The following NUP155 variants were observed in gnomAD, a reference collection of about 807,000 sequenced individuals.
NUP155 encodes nucleoporin 155.
A neutral mutation model predicts 180.4 loss-of-function variants in NUP155; 71 were observed. The ratio of observed to expected loss-of-function variants is 0.39; its 90% CI spans 0.33 to 0.48. NUP155 has a LOEUF of 0.48. Among genes scored for constraint, NUP155 ranks in the 20% least tolerant of loss-of-function variants. The pLI is 0.91. For missense variants in NUP155, 1,553 were observed against 1,648.9 expected, an observed-to-expected ratio of 0.94 and a Z score of 1.01; for synonymous variants, 582 against 559.5, an observed-to-expected ratio of 1.04 and a Z score of -0.57.
chr5:37,367,644 T>C (rs1747684822), intron 1 of NUP155, among the ~76,000 whole-genome samples: 2 of 151,540 alleles, frequency 1.3e-5, no homozygotes, highest in African/African-American at 4.9e-5. Context: ...ACCATTCTCC[T>C]GTCTCAGCCT....
chr5:37,363,320 C>T (rs1747341771), intron 3 of NUP155, among the ~76,000 whole-genome samples: 1 of 152,134 alleles, frequency 6.6e-6, no homozygotes, highest in Non-Finnish European at 1.5e-5. Flanking sequence ...TATCCCACAC[C>T]TCATCTAAGG....
At chr5:37,307,058 C>T (rs763238529) in intron 25 of NUP155, among the ~76,000 whole-genome samples, 2 of 151,330 alleles carry the variant, frequency 1.3e-5, no homozygotes. Context: ...ATTAGCCAGG[C>T]GTGGTGGTGT....
intron 3 of NUP155, among the ~76,000 whole-genome samples, chr5:37,361,285 A>AAAAAAAAAG (rs397997410): frequency 4.2e-5 from 6 of 141,464 alleles, no homozygotes; most frequent in African/African-American, 1.5e-4. Context: ...AAAAAAAAAA[A>AAAAAAAAAG]GACAATGGCT....
At chr5:37,331,986 G>A (rs913639102) in intron 13 of NUP155, among the ~76,000 whole-genome samples, 191 bp from the exon 14 acceptor site, 4 of 152,114 alleles carry the variant, frequency 2.6e-5, no homozygotes, top group Non-Finnish European at 4.4e-5. Flanking sequence ...AGGAATGGCT[G>A]AGGTGATATA....
chr5:37,318,849 T>A (rs1161961084), intron 20 of NUP155, among the ~76,000 whole-genome samples: 2 of 152,010 alleles, frequency 1.3e-5, no homozygotes, highest in African/African-American at 4.8e-5. Flanking sequence ...CACAAAAAAA[T>A]TTCAAAGTAA....
intron 5 of NUP155, 95 bp from the exon 6 acceptor site, chr5:37,351,451 T>TC (rs1746450800): frequency 1.1e-6 from 1 of 946,572 alleles, no homozygotes; most frequent in Non-Finnish European, 1.6e-6. Context: ...TTTACTCAAT[T>TC]CTTTTTTTTT....
At chr5:37,347,988 G>A (rs889257028) in intron 9 of NUP155, among the ~76,000 whole-genome samples, 2 of 152,090 alleles carry the variant, frequency 1.3e-5, no homozygotes, top group Non-Finnish European at 2.9e-5. Flanking sequence ...TACAAAATTA[G>A]CTGGGCATGG....
At chr5:37,342,412 C>A in intron 10 of NUP155, 137 bp downstream of exon 10, 1 of 626,658 alleles carries the variant, frequency 1.6e-6, no homozygotes, top group South Asian at 2.0e-5. Context: ...TTTTCAAAAT[C>A]CTTTATTTTA....
Position 37,318,632 on chromosome 5 carries a change from A to G in NUP155, c.2208-547T>C, listed in dbSNP as rs1744055948. Among the ~76,000 whole-genome samples, 3 of 152,340 alleles carry G rather than the reference A, an allele frequency of 2.0e-5. No individual in the cohort carries two copies. The South Asian group carries it at 6.2e-4, about 32-fold the overall frequency. On this transcript the variant is annotated intron_variant, in intron 20 of 34. Coordinates refer to ENST00000231498, the MANE Select transcript of NUP155 (RefSeq NM_153485.3). ...CTAAGTATAATGCAAATATTTAAAA[A>G]TCAAAAAAAACGTGAAAGCCAAAAC...
At chr5:37,354,454 CTTCT>C (rs1746677793) in intron 4 of NUP155, among the ~76,000 whole-genome samples, 1 of 128,570 alleles carries the variant, frequency 7.8e-6, no homozygotes, top group African/African-American at 3.3e-5. Flanking sequence ...GTCTTTATTT[CTTCT>C]TTTTTTTTTT....
intron 23 of NUP155, among the ~76,000 whole-genome samples, chr5:37,309,990 G>A (rs200802641): frequency 6.6e-6 from 1 of 152,052 alleles, no homozygotes; most frequent in East Asian, 1.9e-4. Flanking sequence ...GGAGGTTGCA[G>A]TGAGCTGAGA....
Position 37,328,378 on chromosome 5 carries a change from A to C in NUP155, c.1856T>G (p.Phe619Cys). The C allele has an allele frequency of 1.2e-6, 2 of 1,610,234 alleles. No homozygotes were observed. Among genetic ancestry groups the C allele is most frequent in the East Asian group, 4.5e-5 (2 of 44,856 alleles). ...PSGSPYPNPS[F>C]LGTPSHGIQP... ...GGTACCATGAGACGGTGTTCCCAAA[A>C]AGGATGGATTTGGATAGGGACTACC... The change falls in exon 17 of 35, where the codon TTT becomes TGT. Residue 619 changes from phenylalanine to cysteine, a missense_variant. By Grantham distance (205) the Phe-to-Cys change is radical. Coordinates refer to ENST00000231498, the MANE Select transcript of NUP155 (RefSeq NM_153485.3).
intron 5 of NUP155, among the ~76,000 whole-genome samples, chr5:37,351,871 A>T (rs921818630): frequency 1.7e-4 from 26 of 148,630 alleles, no homozygotes; most frequent in Non-Finnish European, 1.0e-4. Context: ...AGAGTGTGTG[A>T]GTGTGTGTGT....
rs1471420757 is a variant in NUP155 at position 37,294,314 on chromosome 5, T to G, written c.3930+15A>C. ...TTAAAGAAAATAATTTTATGTTATTTAATATTTTCCTTACCCGTGATTTGA... is the reference window on the plus strand; with the variant it reads ...TTAAAGAAAATAATTTTATGTTATTGAATATTTTCCTTACCCGTGATTTGA... On this transcript the variant is annotated intron_variant, in intron 33 of 34. Transcript: ENST00000231498. 1.3e-6 allele frequency: 2 copies of G among 1,486,952 alleles called. No individual in the cohort carries two copies. The highest frequency in any genetic ancestry group is 1.8e-6 in the Non-Finnish European group (2 of 1,083,940). 92.1% of individuals were successfully genotyped at this position (1,486,952 alleles called of 1,614,324 possible). A position where few individuals can be genotyped will look rare whatever the true frequency, so the allele number is the denominator to read the frequency against.
chr5:37,339,091 A>G (rs964215756), intron 11 of NUP155, among the ~76,000 whole-genome samples: 3 of 152,142 alleles, frequency 2.0e-5, no homozygotes, highest in African/African-American at 4.8e-5. Flanking sequence ...TATCTGGGCC[A>G]GGTGCTGTGG....
intron 20 of NUP155, among the ~76,000 whole-genome samples, chr5:37,318,982 T>C (rs2150956221): frequency 6.6e-6 from 1 of 152,290 alleles, no homozygotes; most frequent in South Asian, 2.1e-4. Flanking sequence ...TGGTCTATGA[T>C]CTTAAAATCC....
At chr5:37,299,822 C>G (rs573234146) in intron 30 of NUP155, among the ~76,000 whole-genome samples, 1 of 151,604 alleles carries the variant, frequency 6.6e-6, no homozygotes, top group Admixed American at 6.6e-5. Flanking sequence ...ATCACGAGAT[C>G]GGGAGATGGA....
chr5:37,308,990 C>T (rs1338266812), intron 24 of NUP155, 139 bp downstream of exon 24: 5 of 759,432 alleles, frequency 6.6e-6, no homozygotes, highest in Non-Finnish European at 1.1e-5. Context: ...CACATTCCTA[C>T]GTCCTTTCAC....
At chr5:37,321,864 T>C (rs919284393) in intron 20 of NUP155, among the ~76,000 whole-genome samples, 2 of 151,496 alleles carry the variant, frequency 1.3e-5, no homozygotes, top group Non-Finnish European at 2.9e-5. Context: ...ATTTATGATA[T>C]TTTTTTTTGA....
Sources: allele counts gnomAD v4.1 joint callset (sites outside exome capture counted in the v4.1 genomes callset), GRCh38; gene constraint gnomAD v4.1.1; transcripts MANE v1.5; gene names NCBI Gene and HGNC (gene_info 2026-07-23, HGNC 2026-07-21).